Variants in UGT1A1 observed in about 807,000 individuals in gnomAD.
UGT1A1 encodes UDP glucuronosyltransferase family 1 member A1, also known as UDP-glucuronosyltransferase 1A1.
A neutral mutation model predicts 40.6 loss-of-function variants in UGT1A1; 33 were observed. The ratio of observed to expected loss-of-function variants is 0.81; its 90% CI spans 0.62 to 1.09. UGT1A1 has a LOEUF of 1.09. Among genes scored for constraint, UGT1A1 ranks in the 50% least tolerant of loss-of-function variants. UGT1A1 has a pLI of 0.00. For synonymous variants in UGT1A1, 249 were observed against 265.0 expected (o/e 0.94, Z 0.59); for missense variants, 694 against 671.2 (o/e 1.03, Z -0.38).
At chr2:233,772,206 G>A (rs1305891412) in intron 4 of UGT1A1, 56 bp from the exon 5 acceptor site, 2 of 1,609,236 alleles carry the variant, frequency 1.2e-6, no homozygotes, top group Non-Finnish European at 1.7e-6. Context: ...AGCATAAAGA[G>A]AGGATTGTTC....
At chr2:233,767,332 A>C (rs34743975) in intron 2 of UGT1A1, among the ~76,000 whole-genome samples, 167 bp downstream of exon 2, 47 of 152,148 alleles carry the variant, frequency 3.1e-4, no homozygotes, top group Admixed American at 1.7e-3. Flanking sequence ...GGTTGTTGTC[A>C]TTGTTTTCAA....
chr2:233,760,823 T>G lies in UGT1A1; in HGVS notation c.536T>G (p.Leu179Arg). The G allele has an allele frequency of 6.2e-7, 1 of 1,613,528 alleles. No individual in the cohort carries two copies. The highest frequency in any genetic ancestry group is 8.5e-7 in the Non-Finnish European group (1 of 1,179,496). Residue 179 changes from leucine to arginine, a missense_variant, in exon 1 of 5, where the codon CTG becomes CGG. By Grantham distance (102) the Leu-to-Arg change is moderately radical. Coordinates refer to ENST00000305208, the MANE Select transcript of UGT1A1 (RefSeq NM_000463.3). ...TTCTTGCATGCACTGCCATGCAGCC[T>G]GGAATTTGAGGCTACCCAGTGCCCC... is the stretch of plus-strand genomic sequence containing the variant. ...VFFLHALPCS[L>R]EFEATQCPNP... is the part of the protein sequence containing the mutation.
In UGT1A1 at chr2:233,768,537, T is replaced by C; in HGVS notation, c.1304+98T>C. ...TTACGTAGCATTTAATAGCGTTGTT[T>C]CAAATATAAAAACAAATACATAAAA... On this transcript the variant is annotated intron_variant, in intron 4 of 4. Transcript: ENST00000305208. 2.0e-6 allele frequency: 3 copies of C among 1,499,906 alleles called. No individual in the cohort carries two copies. The South Asian group carries it at 4.0e-5, about 20-fold the overall frequency. The allele number at this position is 1,499,906 out of a possible 1,614,324, so 92.9% of individuals were successfully genotyped here.
Position 233,767,941 on chromosome 2 carries a change from G to A in UGT1A1, c.1084+5G>A. The A allele has an allele frequency of 1.2e-6, 2 of 1,614,200 alleles. No homozygotes were observed. Among genetic ancestry groups the A allele is most frequent in the South Asian group, 1.1e-5 (1 of 91,084 alleles). On this transcript the variant is annotated splice_donor_5th_base_variant and intron_variant, in intron 3 of 4. Coordinates refer to ENST00000305208, the MANE Select transcript of UGT1A1 (RefSeq NM_000463.3). ...TACCCCAAAACGATCTGCTTGGTAT[G>A]TTGGGCGGATTGGATGTATAGGTCA...
chr2:233,770,111 G>A (rs1335443900), intron 4 of UGT1A1: 1 of 152,202 alleles, frequency 6.6e-6, no homozygotes, highest in Non-Finnish European at 1.5e-5. Flanking sequence ...TGTAACCTAA[G>A]AACAACTTGG....
At position 233,767,856 on chromosome 2, in the gene UGT1A1, G is replaced by A; in HGVS notation, c.1004G>A (p.Trp335Ter). 1 of 1,614,108 alleles carries A rather than the reference G, an allele frequency of 6.2e-7. No homozygotes were observed. Among genetic ancestry groups the A allele is most frequent in the Admixed American group, 1.7e-5 (1 of 60,022 alleles). The change falls in exon 3 of 5, where the codon TGG becomes TAG. Residue 335 changes from tryptophan (W) to a stop codon, truncating the protein, a stop_gained. Transcript: ENST00000305208. LOFTEE classifies it high-confidence loss of function. ...TCTTTTTGCCCCTCCCAGGTCCTGT[G>A]GCGGTACACTGGAACCCGACCATCG... Reference protein sequence around the residue: ...ALGKIPQTVLWRYTGTRPSNL... With the variant: ...ALGKIPQTVL
chr2:233,765,956 G>A (rs1699007626), intron 1 of UGT1A1, among the ~76,000 whole-genome samples: 1 of 152,142 alleles, frequency 6.6e-6, no homozygotes, highest in African/African-American at 2.4e-5. Flanking sequence ...CTCACCGGCA[G>A]TGTCTAGAGG....
chr2:233,770,320 A>G (rs1342178288), intron 4 of UGT1A1: 1 of 152,182 alleles, frequency 6.6e-6, no homozygotes, highest in African/African-American at 2.4e-5. Flanking sequence ...TATGCTGACA[A>G]CCAGGCCATA....
At chr2:233,763,692 T>G (rs28900398) in intron 1 of UGT1A1, among the ~76,000 whole-genome samples, 3,195 of 152,308 alleles carry the variant, frequency 0.021, 100 homozygotes, top group African/African-American at 0.073. Context: ...GATAAAACTT[T>G]TATTGCACAA....
chr2:233,762,475 C>A (rs1173865347), intron 1 of UGT1A1, among the ~76,000 whole-genome samples: 1 of 152,106 alleles, frequency 6.6e-6, no homozygotes, highest in East Asian at 1.9e-4. Flanking sequence ...ATGGATATCA[C>A]TCCAGTTTTA....
At position 233,768,260 on chromosome 2, in the gene UGT1A1, C is replaced by T; in HGVS notation, c.1125C>T (p.Ser375=). The T allele has an allele frequency of 6.2e-7, 1 of 1,614,136 alleles. No individual in the cohort carries two copies. Among genetic ancestry groups the T allele is most frequent in the Non-Finnish European group, 8.5e-7 (1 of 1,180,024 alleles). The change falls in exon 4 of 5, where the codon TCC becomes TCT. Residue 375 remains serine, a synonymous_variant. Transcript: ENST00000305208. ...MTRAFITHAG[S]HGVYESICNG... Reference sequence around the variant, plus strand: ...GTGCCTTTATCACCCATGCTGGTTCCCATGGTGTTTATGAAAGCATATGCA... The same window carrying T: ...GTGCCTTTATCACCCATGCTGGTTCTCATGGTGTTTATGAAAGCATATGCA...
chr2:233,765,844 C>G (rs997504549), intron 1 of UGT1A1, among the ~76,000 whole-genome samples: 1 of 152,044 alleles, frequency 6.6e-6, no homozygotes, highest in African/African-American at 2.4e-5. Flanking sequence ...TTCCTTGTCC[C>G]CCTCACAGAG....
At position 233,769,481 on chromosome 2, in the gene UGT1A1, G is replaced by T. The variant is rs35791110; in HGVS notation, c.1304+1042G>T. 6.2e-7 allele frequency: 1 copy of T among 1,612,192 alleles called. No homozygotes were observed. The highest frequency in any genetic ancestry group is 1.3e-5 in the African/African-American group (1 of 75,008). ...TTCATATGCGTGTGTGTGTGTGTGC[G>T]TGTGTTTATGAGAGTGTCCATTGCT... is the stretch of plus-strand genomic sequence containing the variant. On this transcript the variant is annotated intron_variant, in intron 4 of 4. Transcript: ENST00000305208. The surrounding 1 kb of genome is among the most constrained non-coding windows in gnomAD (Gnocchi z 4.4).
In UGT1A1 at chr2:233,769,574, T is replaced by C. The variant is rs1345352154; in HGVS notation, c.1304+1135T>C. 4 of 1,612,752 alleles carry C rather than the reference T, an allele frequency of 2.5e-6. No individual in the cohort carries two copies. The highest frequency in any genetic ancestry group is 3.3e-5 in the Admixed American group (2 of 59,992). On this transcript the variant is annotated intron_variant, in intron 4 of 4. Transcript: ENST00000305208. The surrounding 1 kb of genome is among the most constrained non-coding windows in gnomAD (Gnocchi z 4.4). ...AAGACAGATGTGAAGAGCTGGAGCA[T>C]GTTCAGATGAGAGGAGACGGAACAC... is the stretch of plus-strand genomic sequence containing the variant.
At chr2:233,764,343 C>T (rs1313396621) in intron 1 of UGT1A1, among the ~76,000 whole-genome samples, 1 of 152,116 alleles carries the variant, frequency 6.6e-6, no homozygotes. Context: ...TGGACTTCAC[C>T]TTTATTGAGC....
rs1697601712 is a variant in UGT1A1 at position 233,760,894 on chromosome 2, C to T, written c.607C>T (p.His203Tyr). 3.7e-6 allele frequency: 6 copies of T among 1,614,174 alleles called. No homozygotes were observed. Among genetic ancestry groups the T allele is most frequent in the Non-Finnish European group, 5.1e-6 (6 of 1,180,022 alleles). Residue 203 changes from histidine to tyrosine, a missense_variant, in exon 1 of 5, where the codon CAC becomes TAC. Physicochemically the swap from His to Tyr is moderately conservative, Grantham distance 83 (BLOSUM62 2). Transcript: ENST00000305208. ...VPRPLSSHSDHMTFLQRVKNM... is the reference protein window; with the variant it reads ...VPRPLSSHSDYMTFLQRVKNM... Reference sequence around the variant, plus strand: ...CAGGCCTCTCTCCTCTCATTCAGATCACATGACCTTCCTGCAGCGGGTGAA... The same window carrying T: ...CAGGCCTCTCTCCTCTCATTCAGATTACATGACCTTCCTGCAGCGGGTGAA...
chr2:233,763,863 G>A (rs1486150283), intron 1 of UGT1A1, among the ~76,000 whole-genome samples: 2 of 152,132 alleles, frequency 1.3e-5, no homozygotes, highest in Non-Finnish European at 1.5e-5. Flanking sequence ...ACAGACAATC[G>A]CAATGCTGGG....
In UGT1A1 at chr2:233,769,619, C is replaced by T; in HGVS notation, c.1304+1180C>T. The T allele has an allele frequency of 6.2e-7, 1 of 1,612,516 alleles. No individual in the cohort carries two copies. Among genetic ancestry groups the T allele is most frequent in the African/African-American group, 1.3e-5 (1 of 75,052 alleles). ...GAACACGGGGACACACCAGCTTGAG[C>T]AAGGGACAACAGGGGAGGACTGATG... On this transcript the variant is annotated intron_variant, in intron 4 of 4. Transcript: ENST00000305208. The surrounding 1 kb of genome is among the most constrained non-coding windows in gnomAD (Gnocchi z 4.4).
At chr2:233,772,131 C>T in intron 4 of UGT1A1, 131 bp from the exon 5 acceptor site, 2 of 1,543,198 alleles carry the variant, frequency 1.3e-6, no homozygotes, top group South Asian at 2.4e-5. Context: ...ACAACAACAA[C>T]AATAATAGAA....
Sources: allele counts gnomAD v4.1 joint callset (sites outside exome capture counted in the v4.1 genomes callset), GRCh38; gene constraint gnomAD v4.1.1; non-coding constraint Gnocchi (gnomAD v3.1); transcripts MANE v1.5; gene names NCBI Gene and HGNC (gene_info 2026-07-23, HGNC 2026-07-21).